VWA3B: variants seen among roughly 807,000 people sequenced by gnomAD.
The protein encoded by VWA3B is von Willebrand factor A domain-containing protein 3B.
Under a neutral mutation model 158.3 loss-of-function variants are expected in VWA3B, and 138 were observed. The ratio of observed to expected loss-of-function variants is 0.87; its 90% CI spans 0.76 to 1.00. The LOEUF is 1.00. VWA3B is among the 50% of genes least tolerant of loss of function. The pLI is 0.00. For missense variants in VWA3B, 1,555 were observed against 1,565.1 expected, an observed-to-expected ratio of 0.99 and a Z score of 0.11; for synonymous variants, 596 against 587.3, an observed-to-expected ratio of 1.01 and a Z score of -0.21.
At chr2:98,308,382 T>G (rs1690661309) in intron 26 of VWA3B, among the ~76,000 whole-genome samples, 1 of 152,226 alleles carries the variant, frequency 6.6e-6, no homozygotes, top group African/African-American at 2.4e-5. Context: ...TTCTGCTACA[T>G]TCCATGGCAT....
chr2:98,193,720 G>A (rs888471496), intron 11 of VWA3B, among the ~76,000 whole-genome samples: 1 of 151,760 alleles, frequency 6.6e-6, no homozygotes, highest in Admixed American at 6.6e-5. Flanking sequence ...CTCCCAAGTA[G>A]CTGGGACTAC....
chr2:98,105,813 G>T (rs923640113), intron 2 of VWA3B, among the ~76,000 whole-genome samples: 1 of 151,978 alleles, frequency 6.6e-6, no homozygotes, highest in South Asian at 2.1e-4. Context: ...TTTTACTTAA[G>T]TGACTACCCT....
chr2:98,321,504 C>G, the VWA3B span, among the ~76,000 whole-genome samples: 1 of 152,214 alleles, frequency 6.6e-6, no homozygotes, highest in Non-Finnish European at 1.5e-5. Flanking sequence ...CCCCTTGTGG[C>G]AGAGCTGCCC....
intron 2 of VWA3B, among the ~76,000 whole-genome samples, chr2:98,112,476 C>T (rs1467323281): frequency 6.6e-6 from 1 of 151,774 alleles, no homozygotes; most frequent in Non-Finnish European, 1.5e-5. Context: ...CCATTGTTTT[C>T]TGATTTCCAC....
In VWA3B at chr2:98,227,647, T is replaced by C. The variant is rs368754790; in HGVS notation, c.2020-555T>C. 6.0e-4 allele frequency among the ~76,000 whole-genome samples: 91 copies of C among 152,092 alleles called. No homozygotes were observed. In the Middle Eastern group the frequency reaches 0.014, roughly 23 times the overall value. On this transcript the variant is annotated intron_variant, in intron 14 of 27. Coordinates refer to ENST00000477737, the MANE Select transcript of VWA3B (RefSeq NM_144992.5). ...AATGAAGAAAGTCAGGAAAAAAGAG[T>C]AATTTCTGTGTGATTCCATTTGTAT... is the stretch of plus-strand genomic sequence containing the variant.
intron 7 of VWA3B, among the ~76,000 whole-genome samples, chr2:98,155,330 G>T (rs954600459): frequency 6.6e-6 from 1 of 152,214 alleles, no homozygotes; most frequent in African/African-American, 2.4e-5. Flanking sequence ...AACGAAAAGT[G>T]ATCAACACAC....
intron 21 of VWA3B, among the ~76,000 whole-genome samples, chr2:98,264,828 G>C (rs1479267649): frequency 6.6e-6 from 1 of 151,914 alleles, no homozygotes; most frequent in Non-Finnish European, 1.5e-5. Flanking sequence ...GCTAATACTG[G>C]GTTGCTGTCT....
chr2:98,151,067 T>C (rs1310686730), intron 7 of VWA3B, among the ~76,000 whole-genome samples: 2 of 152,204 alleles, frequency 1.3e-5, no homozygotes, highest in African/African-American at 2.4e-5. Context: ...CAGGTCTACA[T>C]GTCACCTGCA....
intron 14 of VWA3B, among the ~76,000 whole-genome samples, chr2:98,221,901 C>T (rs568181820): frequency 5.7e-4 from 86 of 152,158 alleles, no homozygotes; most frequent in Non-Finnish European, 1.1e-3. Flanking sequence ...GGACTCAGCA[C>T]GAAGCTGAGC....
chr2:98,294,660 AAGC>A (rs1689697067), intron 23 of VWA3B, among the ~76,000 whole-genome samples: 1 of 152,254 alleles, frequency 6.6e-6, no homozygotes, highest in Non-Finnish European at 1.5e-5. Context: ...GTTCTGTGAG[AAGC>A]AGCATTTTAC....
chr2:98,121,249 C>T (rs1674932434), intron 4 of VWA3B, 50 bp from the exon 5 acceptor site: 1 of 1,564,576 alleles, frequency 6.4e-7, no homozygotes, highest in African/African-American at 1.3e-5. Context: ...GTTTGGCATC[C>T]CAGTAGCACT....
intron 12 of VWA3B, chr2:98,207,658 C>A: frequency 4.4e-6 from 2 of 451,856 alleles, no homozygotes; most frequent in South Asian, 3.5e-5. Flanking sequence ...TCTCTCAGAA[C>A]GGGCCTTCAG....
intron 22 of VWA3B, among the ~76,000 whole-genome samples, chr2:98,279,479 C>T (rs1015242581): frequency 1.3e-5 from 2 of 152,208 alleles, no homozygotes; most frequent in African/African-American, 4.8e-5. Context: ...GATTTGCCCT[C>T]CCTGTCTGGA....
chr2:98,214,506 A>C (rs1343645758), intron 13 of VWA3B, among the ~76,000 whole-genome samples: 1 of 152,190 alleles, frequency 6.6e-6, no homozygotes, highest in African/African-American at 2.4e-5. Flanking sequence ...CCCTTTCACC[A>C]GCTAGGAGGC....
chr2:98,160,011 A>C (rs574543852), intron 7 of VWA3B, among the ~76,000 whole-genome samples: 7 of 151,564 alleles, frequency 4.6e-5, no homozygotes, highest in Admixed American at 6.6e-5. Context: ...ATCCATTAAA[A>C]AAAAAAAAAA....
chr2:98,207,811 C>A, intron 12 of VWA3B: 1 of 227,210 alleles, frequency 4.4e-6, no homozygotes, highest in Non-Finnish European at 8.8e-6. Flanking sequence ...CTTCAGGTTT[C>A]GGTGTAAGCC....
At chr2:98,324,929 G>C in the VWA3B span, among the ~76,000 whole-genome samples, 4 of 151,780 alleles carry the variant, frequency 2.6e-5, no homozygotes, top group Non-Finnish European at 5.9e-5. Context: ...AAATCCACTG[G>C]ATGGGCTTAA....
chr2:98,193,819 A>C (rs1050965770), intron 11 of VWA3B, among the ~76,000 whole-genome samples: 33 of 151,662 alleles, frequency 2.2e-4, no homozygotes, highest in Non-Finnish European at 2.6e-4. Flanking sequence ...CGATCTCCTG[A>C]CCTCGTGATC....
chr2:98,317,524 T>C (rs1434725250), downstream of VWA3B, among the ~76,000 whole-genome samples: 1 of 152,206 alleles, frequency 6.6e-6, no homozygotes. Context: ...GCCTGCTACC[T>C]GGAGGCTTCA....
Sources: gnomAD v4.1 joint callset for allele counts (sites outside exome capture counted in the v4.1 genomes callset) on GRCh38, gnomAD v4.1.1 for gene constraint, MANE v1.5 for transcripts, NCBI Gene and HGNC (gene_info 2026-07-23, HGNC 2026-07-21) for gene names.